The following KCNN2 variants were observed in gnomAD, a reference collection of about 807,000 sequenced individuals.
KCNN2 encodes the protein potassium calcium-activated channel subfamily N member 2, also known as small conductance calcium-activated potassium channel protein 2.
KCNN2 carries 24 observed loss-of-function variants against 55.5 expected under a neutral mutation model. The ratio of observed to expected loss-of-function variants is 0.43; its 90% CI spans 0.31 to 0.61. The LOEUF (loss-of-function observed/expected upper bound fraction) is 0.61. Among genes scored for constraint, KCNN2 ranks in the 20% least tolerant of loss-of-function variants. The probability of loss-of-function intolerance (pLI) is 0.08; values close to 1 mark genes in which losing one functional copy is unlikely to be tolerated. For synonymous variants in KCNN2, 431 were observed against 336.1 expected (o/e 1.28, Z -3.09); for missense variants, 754 against 853.6 (o/e 0.88, Z 1.45).
intron 6 of KCNN2, among the ~76,000 whole-genome samples, chr5:114,488,760 T>G (rs983545104): frequency 1.9e-4 from 29 of 152,238 alleles, no homozygotes; most frequent in African/African-American, 7.0e-4. Context: ...AAAACCATAC[T>G]ACACAGTAAC....
chr5:114,117,861 C>G (rs140325436), intron 1 of KCNN2, among the ~76,000 whole-genome samples: 4 of 152,200 alleles, frequency 2.6e-5, no homozygotes, highest in Non-Finnish European at 5.9e-5. Flanking sequence ...TACCTCTGAG[C>G]TGTACCCTCT....
intron 2 of KCNN2, among the ~76,000 whole-genome samples, chr5:114,310,233 G>A (rs937187845): frequency 6.6e-6 from 1 of 152,130 alleles, no homozygotes; most frequent in Non-Finnish European, 1.5e-5. Flanking sequence ...AGAAGAGAGA[G>A]AGGGAGAGAC....
chr5:114,413,786 T>G (rs908408995), intron 3 of KCNN2, among the ~76,000 whole-genome samples: 1 of 152,216 alleles, frequency 6.6e-6, no homozygotes, highest in Non-Finnish European at 1.5e-5. Flanking sequence ...CAGTTCATTA[T>G]GGTCCTCCTC....
At chr5:114,194,873 G>T (rs1450571861) in intron 1 of KCNN2, among the ~76,000 whole-genome samples, 1 of 128,544 alleles carries the variant, frequency 7.8e-6, no homozygotes, top group South Asian at 2.7e-4. Context: ...GCATGAGAAA[G>T]GGCCTTGATT....
intron 1 of KCNN2, among the ~76,000 whole-genome samples, chr5:114,085,013 A>G (rs1750983650): frequency 6.7e-6 from 1 of 150,186 alleles, no homozygotes; most frequent in Non-Finnish European, 1.5e-5. Context: ...CCATTGAGAT[A>G]TATATATATA....
intron 2 of KCNN2, among the ~76,000 whole-genome samples, chr5:114,285,200 T>C (rs1271315790): frequency 7.0e-6 from 1 of 142,104 alleles, no homozygotes; most frequent in African/African-American, 2.6e-5. Context: ...AGGAAAATGG[T>C]GTGAACCCAG....
At chr5:114,188,558 T>A (rs1015442601) in intron 1 of KCNN2, among the ~76,000 whole-genome samples, 9 of 152,108 alleles carry the variant, frequency 5.9e-5, no homozygotes, top group Non-Finnish European at 8.8e-5. Flanking sequence ...CTAAACAAAG[T>A]GTACAGAACA....
intron 1 of KCNN2, among the ~76,000 whole-genome samples, chr5:114,177,730 C>A (rs1354522254): frequency 6.6e-6 from 1 of 151,868 alleles, no homozygotes; most frequent in African/African-American, 2.4e-5. Context: ...TCTAGAATAA[C>A]TTTGAAAGTT....
At chr5:114,107,730 C>T (rs1223408424) in intron 1 of KCNN2, among the ~76,000 whole-genome samples, 1 of 151,936 alleles carries the variant, frequency 6.6e-6, no homozygotes, top group Non-Finnish European at 1.5e-5. Context: ...CATCAATTTC[C>T]ACCATAAATA....
At chr5:114,116,268 A>C (rs1260903808) in intron 1 of KCNN2, among the ~76,000 whole-genome samples, 1 of 152,172 alleles carries the variant, frequency 6.6e-6, no homozygotes, top group Admixed American at 6.5e-5. Context: ...TCAGGAAAAC[A>C]AAACAAAGGA....
intron 2 of KCNN2, among the ~76,000 whole-genome samples, chr5:114,279,764 G>GCA (rs1755581793): frequency 6.6e-6 from 1 of 150,702 alleles, no homozygotes; most frequent in South Asian, 2.1e-4. Flanking sequence ...AAACATATGT[G>GCA]TGCGTGTGTC....
intron 1 of KCNN2, among the ~76,000 whole-genome samples, chr5:114,109,106 C>T (rs962750452): frequency 6.6e-6 from 1 of 152,066 alleles, no homozygotes; most frequent in African/African-American, 2.4e-5. Context: ...AGCTTGGAGT[C>T]TCATCAGATG....
At chr5:114,414,120 T>C (rs1053271786) in intron 3 of KCNN2, among the ~76,000 whole-genome samples, 3 of 152,230 alleles carry the variant, frequency 2.0e-5, no homozygotes, top group Non-Finnish European at 4.4e-5. Flanking sequence ...GTATTTTTTT[T>C]AATTTTATAC....
intron 1 of KCNN2, among the ~76,000 whole-genome samples, chr5:114,106,693 A>C (rs1034273328): frequency 5.7e-5 from 8 of 141,110 alleles, no homozygotes; most frequent in Non-Finnish European, 1.2e-4. Context: ...TGTGTGTGTG[A>C]AATGCCTGCT....
intron 2 of KCNN2, among the ~76,000 whole-genome samples, chr5:114,261,767 G>T (rs569448635): frequency 6.6e-6 from 1 of 152,144 alleles, no homozygotes; most frequent in South Asian, 2.1e-4. Flanking sequence ...GGGTTAGTTC[G>T]CAGAAAGTTC....
intron 4 of KCNN2, among the ~76,000 whole-genome samples, chr5:114,463,665 C>T (rs1039549415): frequency 6.6e-6 from 1 of 152,142 alleles, no homozygotes; most frequent in Non-Finnish European, 1.5e-5. Context: ...ACTAGGAATA[C>T]ATCAAAAGAA....
At chr5:114,240,427 CTT>C (rs201223682) in intron 2 of KCNN2, among the ~76,000 whole-genome samples, 4 of 130,404 alleles carry the variant, frequency 3.1e-5, no homozygotes, top group African/African-American at 5.6e-5. Flanking sequence ...TTTTCTTTCT[CTT>C]TTTTTTTTTT....
Position 114,362,777 on chromosome 5 carries a change from T to C in KCNN2, c.638T>C (p.Met213Thr). The change falls in exon 1 of 8, where the codon ATG becomes ACG. Residue 213 changes from methionine (M) to threonine (T), a missense_variant. Transcript: ENST00000673685. ...RESNPFTEIA[M>T]SSCRYNGGVM... ...AGCAACCCCTTCACCGAAATAGCCA[T>C]GAGCAGCTGCAGGTACAACGGGGGC... 6.3e-7 allele frequency: 1 copy of C among 1,586,264 alleles called. No individual in the cohort carries two copies. The highest frequency in any genetic ancestry group is 8.5e-7 in the Non-Finnish European group (1 of 1,171,946).
At chr5:114,140,473 A>G (rs936305082) in intron 1 of KCNN2, among the ~76,000 whole-genome samples, 1 of 152,184 alleles carries the variant, frequency 6.6e-6, no homozygotes, top group African/African-American at 2.4e-5. Flanking sequence ...CTAAAAGATG[A>G]TATAAGTAAT....
Sources: gnomAD v4.1 joint callset for allele counts (sites outside exome capture counted in the v4.1 genomes callset) on GRCh38, gnomAD v4.1.1 for gene constraint, MANE v1.5 for transcripts, NCBI Gene and HGNC (gene_info 2026-07-23, HGNC 2026-07-21) for gene names.